The following FCHO2 variants were observed in gnomAD, a reference collection of about 807,000 sequenced individuals.
FCHO2 encodes FCH and mu domain containing endocytic adaptor 2, also known as F-BAR domain only protein 2.
FCHO2 carries 43 observed loss-of-function variants against 114.1 expected under a neutral mutation model. The observed-to-expected ratio is 0.38, with a 90% CI of 0.30 to 0.49. The LOEUF is 0.49. Ranked by LOEUF, FCHO2 falls within the 20% of genes least tolerant of loss-of-function variation. The pLI is 0.97. For missense variants in FCHO2, 807 were observed against 950.4 expected (o/e 0.85, Z 1.98); for synonymous variants, 293 against 315.2 (o/e 0.93, Z 0.75).
chr5:73,048,192 G>A (rs1239829387), intron 11 of FCHO2, among the ~76,000 whole-genome samples: 4 of 151,930 alleles, frequency 2.6e-5, no homozygotes, highest in Admixed American at 2.6e-4. Flanking sequence ...GGTCATGCCT[G>A]TAATCCCAAC....
intron 18 of FCHO2, among the ~76,000 whole-genome samples, chr5:73,066,642 A>G (rs1290512454): frequency 7.1e-6 from 1 of 141,536 alleles, no homozygotes; most frequent in Non-Finnish European, 1.5e-5. Flanking sequence ...AGCTTTCACC[A>G]GATGCTCAAA....
At chr5:72,986,240 AT>A (rs35608729) in intron 2 of FCHO2, among the ~76,000 whole-genome samples, 116,053 of 150,550 alleles carry the variant, frequency 0.77, 45,778 homozygotes, top group Non-Finnish European at 0.86. Context: ...TGTAATTTGC[AT>A]TTTTTTTTTC....
intron 5 of FCHO2, among the ~76,000 whole-genome samples, chr5:73,001,466 A>G (rs1396043516): frequency 2.0e-5 from 3 of 151,428 alleles, no homozygotes; most frequent in Non-Finnish European, 4.4e-5. Context: ...AAAAAAAAAA[A>G]AAAAAGAAAT....
At chr5:73,083,328 CAG>C (rs1332471097) in intron 24 of FCHO2, among the ~76,000 whole-genome samples, 1 of 152,076 alleles carries the variant, frequency 6.6e-6, no homozygotes, top group South Asian at 2.1e-4. Context: ...AGCTGAGATT[CAG>C]AACACATTTG....
At chr5:72,986,970 C>T (rs1304972310) in intron 2 of FCHO2, among the ~76,000 whole-genome samples, 2 of 151,612 alleles carry the variant, frequency 1.3e-5, no homozygotes, top group Admixed American at 6.6e-5. Context: ...CCTCTGCCTC[C>T]CGGGTTCACA....
Position 73,087,659 on chromosome 5 carries a change from A to G in FCHO2, c.2316A>G (p.Gln772=). The change falls in exon 25 of 26, where the codon CAA becomes CAG. Residue 772 remains glutamine (Q), a synonymous_variant. Transcript: ENST00000430046. ...GTAAACCCACGACACTTGCAGTACAATTCCTCAGCGAGGGAAGTACCCTTT... is the reference window on the plus strand; with the variant it reads ...GTAAACCCACGACACTTGCAGTACAGTTCCTCAGCGAGGGAAGTACCCTTT... ...GPSKPTTLAV[Q]FLSEGSTLSG... 6.2e-7 allele frequency: 1 copy of G among 1,613,956 alleles called. No individual in the cohort carries two copies. The highest frequency in any genetic ancestry group is 8.5e-7 in the Non-Finnish European group (1 of 1,179,846).
chr5:72,967,762 G>T (rs1752280775), intron 1 of FCHO2, among the ~76,000 whole-genome samples: 1 of 151,908 alleles, frequency 6.6e-6, no homozygotes, highest in South Asian at 2.1e-4. Context: ...TGGGATTATG[G>T]GTGCATGCCA....
At chr5:73,028,672 CA>C (rs75625933) in intron 8 of FCHO2, among the ~76,000 whole-genome samples, 28,440 of 116,094 alleles carry the variant, frequency 0.24, 3,421 homozygotes, top group East Asian at 0.45. Context: ...TTTTTTGTGA[CA>C]AGAGTCTCGC....
chr5:73,054,028 C>T, intron 13 of FCHO2, 132 bp from the exon 14 acceptor site: 1 of 512,588 alleles, frequency 2.0e-6, no homozygotes, highest in Admixed American at 4.3e-5. Context: ...CTTTTTCCCA[C>T]CTGACAGTGT....
intron 7 of FCHO2, among the ~76,000 whole-genome samples, chr5:73,016,781 C>T (rs1306003455): frequency 6.6e-6 from 1 of 151,820 alleles, no homozygotes; most frequent in Non-Finnish European, 1.5e-5. Context: ...CCTATAGTCC[C>T]AGCTACTTGG....
At chr5:72,990,329 GTCAA>G in intron 3 of FCHO2, 145 bp from the exon 4 acceptor site, 1 of 614,008 alleles carries the variant, frequency 1.6e-6, no homozygotes, top group Non-Finnish European at 2.6e-6. Context: ...AGGTCAGTCT[GTCAA>G]TCATTTTATT....
chr5:73,027,746 A>C (rs1447098373), intron 8 of FCHO2, among the ~76,000 whole-genome samples: 1 of 152,244 alleles, frequency 6.6e-6, no homozygotes, highest in East Asian at 1.9e-4. Context: ...TTAATACAAA[A>C]GGTGACCAAA....
chr5:73,010,374 T>C (rs957901722), intron 6 of FCHO2, among the ~76,000 whole-genome samples: 1 of 152,220 alleles, frequency 6.6e-6, no homozygotes, highest in African/African-American at 2.4e-5. Flanking sequence ...ATGGAGATTT[T>C]GTTTACTTTA....
chr5:72,979,353 T>C (rs1282651518), intron 2 of FCHO2, among the ~76,000 whole-genome samples: 1 of 150,806 alleles, frequency 6.6e-6, no homozygotes, highest in Non-Finnish European at 1.5e-5. Context: ...GGTGTATGTG[T>C]ATGTGTCCAG....
At chr5:73,026,080 C>G (rs1425572954) in intron 8 of FCHO2, among the ~76,000 whole-genome samples, 1 of 151,924 alleles carries the variant, frequency 6.6e-6, no homozygotes, top group Admixed American at 6.6e-5. Flanking sequence ...TGAACTCTAA[C>G]TACTCCATTG....
At chr5:72,979,955 C>T (rs1024340400) in intron 2 of FCHO2, among the ~76,000 whole-genome samples, 2 of 152,076 alleles carry the variant, frequency 1.3e-5, no homozygotes, top group African/African-American at 4.8e-5. Flanking sequence ...TTCAGTTCTG[C>T]TCTGATCTTA....
chr5:72,995,579 T>C (rs1754047610), intron 5 of FCHO2, among the ~76,000 whole-genome samples: 3 of 152,120 alleles, frequency 2.0e-5, no homozygotes. Flanking sequence ...GAAAGGAATT[T>C]ATTTTTTACA....
At chr5:72,989,376 T>C in intron 2 of FCHO2, 51 bp from the exon 3 acceptor site, 1 of 1,352,820 alleles carries the variant, frequency 7.4e-7, no homozygotes, top group Non-Finnish European at 1.0e-6. Context: ...AACTTTGCTG[T>C]TTTTGGTCAC....
chr5:72,995,004 C>T lies in FCHO2; in HGVS notation c.495+4140C>T, dbSNP rs112962052. The stretch of plus-strand genomic sequence containing the variant: ...AGAAGGAGAGGATCAGAAAAAATAC[C>T]TGTCAGTTACTGTGCTTATTACCTG... On this transcript the variant is annotated intron_variant, in intron 5 of 25. Transcript: ENST00000430046. Among the ~76,000 whole-genome samples the T allele has an allele frequency of 6.7e-3, 1,018 of 152,090 alleles. 5 individuals are homozygous for T. Among genetic ancestry groups the T allele is most frequent in the Non-Finnish European group, 0.012 (782 of 67,986 alleles).
Sources: gnomAD v4.1 joint callset for allele counts (sites outside exome capture counted in the v4.1 genomes callset) on GRCh38, gnomAD v4.1.1 for gene constraint, MANE v1.5 for transcripts, NCBI Gene and HGNC (gene_info 2026-07-23, HGNC 2026-07-21) for gene names.